PPP1R14C: variants seen among roughly 807,000 people sequenced by gnomAD.
PPP1R14C encodes protein phosphatase 1 regulatory subunit 14C.
A neutral mutation model predicts 20.4 loss-of-function variants in PPP1R14C; 16 were observed. The ratio of observed to expected loss-of-function variants is 0.78; its 90% confidence interval spans 0.53 to 1.19. The LOEUF is 1.19. Among genes scored for constraint, PPP1R14C ranks in the 50% most tolerant of loss-of-function variants. The pLI is 0.00. For missense variants in PPP1R14C, 211 were observed against 220.1 expected, an observed-to-expected ratio of 0.96 and a Z score of 0.26; for synonymous variants, 91 against 91.0, an observed-to-expected ratio of 1.00 and a Z score of 0.00.
At chr6:150,161,468 G>A (rs772873102) in intron 1 of PPP1R14C, among the ~76,000 whole-genome samples, 16 of 152,148 alleles carry the variant, frequency 1.1e-4, no homozygotes, top group Admixed American at 4.6e-4. Context: ...TCTATATCAA[G>A]CTAAACATCA....
intron 1 of PPP1R14C, among the ~76,000 whole-genome samples, chr6:150,184,528 T>C (rs151246546): frequency 2.2e-4 from 33 of 152,288 alleles, no homozygotes; most frequent in African/African-American, 7.7e-4. Context: ...AACATATCCC[T>C]TTTGTCCCCT....
At chr6:150,198,878 A>G (rs1777842970) in intron 1 of PPP1R14C, among the ~76,000 whole-genome samples, 1 of 152,194 alleles carries the variant, frequency 6.6e-6, no homozygotes, top group East Asian at 1.9e-4. Flanking sequence ...TTGAATCCTC[A>G]GCACCTAGCA....
intron 3 of PPP1R14C, among the ~76,000 whole-genome samples, chr6:150,234,962 T>C (rs1291571285): frequency 6.7e-6 from 1 of 148,198 alleles, no homozygotes. Flanking sequence ...TAAAAAAGAA[T>C]ACATAAGAGG....
At chr6:150,222,038 G>A (rs1276003650) in intron 3 of PPP1R14C, among the ~76,000 whole-genome samples, 1 of 152,126 alleles carries the variant, frequency 6.6e-6, no homozygotes, top group Non-Finnish European at 1.5e-5. Flanking sequence ...AGCTCCAGCA[G>A]TCCACCTGCC....
rs573448516 is a variant in PPP1R14C at position 150,246,719 on chromosome 6, A to AT, written c.424-2021dup. ...TATGTACAAAGACATTAGTTATGGC[A>AT]TTTTTTATAATTTTGAAAAGTCAGG... On this transcript the variant is annotated intron_variant, in intron 3 of 3. Coordinates refer to ENST00000361131, the MANE Select transcript of PPP1R14C (RefSeq NM_030949.3). 8.5e-5 allele frequency among the ~76,000 whole-genome samples: 13 copies of AT among 152,328 alleles called. No individual in the cohort carries two copies. In the South Asian group the frequency reaches 2.5e-3, roughly 29 times the overall value.
At chr6:150,229,691 GA>G (rs1045847252) in intron 3 of PPP1R14C, among the ~76,000 whole-genome samples, 3 of 151,998 alleles carry the variant, frequency 2.0e-5, no homozygotes, top group African/African-American at 7.3e-5. Context: ...AAAGGAGGGG[GA>G]AAAAACAGGA....
In PPP1R14C at chr6:150,233,227, C is replaced by CA. The variant is rs537717627; in HGVS notation, c.424-15514dup. On this transcript the variant is annotated intron_variant, in intron 3 of 3. Coordinates refer to ENST00000361131, the MANE Select transcript of PPP1R14C (RefSeq NM_030949.3). ...AATCAGCAGGTGGTGGGTGGGAGTG[C>CA]AAAAAGGGGAGTGAGGAGGGGCGGT... 3.0e-4 allele frequency among the ~76,000 whole-genome samples: 45 copies of CA among 152,054 alleles called. 2 individuals are homozygous for CA. In the South Asian group the frequency reaches 3.7e-3, roughly 13 times the overall value.
intron 1 of PPP1R14C, among the ~76,000 whole-genome samples, chr6:150,197,651 G>T (rs2114893517): frequency 6.6e-6 from 1 of 152,388 alleles, no homozygotes; most frequent in African/African-American, 2.4e-5. Context: ...AGGCAATCTG[G>T]CCATGACATC....
chr6:150,247,300 G>C (rs1485577869), intron 3 of PPP1R14C, among the ~76,000 whole-genome samples: 1 of 152,196 alleles, frequency 6.6e-6, no homozygotes, highest in African/African-American at 2.4e-5. Context: ...ACTGTCGCTT[G>C]CTGATCAGAA....
intron 1 of PPP1R14C, among the ~76,000 whole-genome samples, chr6:150,157,004 T>G (rs1777312892): frequency 6.6e-6 from 1 of 152,238 alleles, no homozygotes; most frequent in African/African-American, 2.4e-5. Context: ...GAACATCCCA[T>G]GTTAGACTTA....
In PPP1R14C at chr6:150,165,168, T is replaced by A. The variant is rs941418259; in HGVS notation, c.306+21670T>A. 9.8e-5 allele frequency among the ~76,000 whole-genome samples: 15 copies of A among 152,390 alleles called. No homozygotes were observed. The South Asian group carries it at 2.5e-3, about 25-fold the overall frequency. ...ATGTTTGGCTCTATATAGATTCTAG[T>A]GAGTATGTTCTAATATTAGGTAGAG... is the stretch of plus-strand genomic sequence containing the variant. On this transcript the variant is annotated intron_variant, in intron 1 of 3. Coordinates refer to ENST00000361131, the MANE Select transcript of PPP1R14C (RefSeq NM_030949.3).
chr6:150,236,638 T>TGTGC lies in PPP1R14C; in HGVS notation c.424-12107_424-12106insTGCG, dbSNP rs1311053700. On this transcript the variant is annotated intron_variant, in intron 3 of 3. Coordinates refer to ENST00000361131, the MANE Select transcript of PPP1R14C (RefSeq NM_030949.3). ...CTGTGTGTGTGTGTGTGTGTGTGTG[T>TGTGC]GCGCGTGTGTGTGTTTAGCCAGGAG... Among the ~76,000 whole-genome samples, 538 of 142,152 alleles carry TGTGC rather than the reference T, an allele frequency of 3.8e-3. 1 individual carries two copies. Among genetic ancestry groups the TGTGC allele is most frequent in the African/African-American group, 8.5e-3 (345 of 40,482 alleles). The allele number at this position is 142,152 out of a possible 152,430, so 93.3% of individuals were successfully genotyped here. A position where few individuals can be genotyped will look rare whatever the true frequency, so the allele number is the denominator to read the frequency against.
intron 3 of PPP1R14C, among the ~76,000 whole-genome samples, chr6:150,222,765 CTTTTTTTTTTTTT>C (rs4038164): frequency 1.4e-5 from 1 of 71,278 alleles, no homozygotes; most frequent in Non-Finnish European, 2.4e-5. Context: ...TTCAAACTGG[CTTTTTTTTTTTTT>C]TTTTTTTTTT....
intron 1 of PPP1R14C, among the ~76,000 whole-genome samples, chr6:150,154,951 G>A (rs1418336480): frequency 1.3e-5 from 2 of 152,098 alleles, no homozygotes; most frequent in Non-Finnish European, 2.9e-5. Flanking sequence ...TTTGACTTAA[G>A]ATTTTTAGGC....
chr6:150,197,817 CCT>C (rs1777825145), intron 1 of PPP1R14C, among the ~76,000 whole-genome samples: 4 of 138,002 alleles, frequency 2.9e-5, no homozygotes, highest in East Asian at 2.3e-4. Context: ...GTGCCCCTGC[CCT>C]TCACGGTGGA....
intron 1 of PPP1R14C, among the ~76,000 whole-genome samples, chr6:150,181,023 C>T (rs573968924): frequency 4.6e-5 from 7 of 152,308 alleles, no homozygotes; most frequent in Non-Finnish European, 5.9e-5. Flanking sequence ...CAGCTCCTCC[C>T]TCAGGTCAGA....
At chr6:150,188,829 T>A (rs565505841) in intron 1 of PPP1R14C, among the ~76,000 whole-genome samples, 21 of 151,050 alleles carry the variant, frequency 1.4e-4, no homozygotes, top group South Asian at 6.3e-4. Context: ...CAGGATTTTT[T>A]ATTTTTTTAT....
intron 3 of PPP1R14C, among the ~76,000 whole-genome samples, chr6:150,237,750 T>C (rs1481728704): frequency 6.6e-6 from 1 of 152,144 alleles, no homozygotes; most frequent in Non-Finnish European, 1.5e-5. Context: ...GAGAAAATGA[T>C]TCATTTCTAA....
At chr6:150,206,815 A>G (rs937788768) in intron 1 of PPP1R14C, among the ~76,000 whole-genome samples, 6 of 151,798 alleles carry the variant, frequency 4.0e-5, no homozygotes. Flanking sequence ...CATGGAGTCA[A>G]TGGAGTCAGG....
Sources: gnomAD v4.1 joint callset for allele counts (sites outside exome capture counted in the v4.1 genomes callset) on GRCh38, gnomAD v4.1.1 for gene constraint, MANE v1.5 for transcripts, NCBI Gene and HGNC (gene_info 2026-07-23, HGNC 2026-07-21) for gene names.